PCNT: variants seen among roughly 807,000 people sequenced by gnomAD.
The protein encoded by PCNT is pericentrin, also known as kendrin.
In PCNT, 319 loss-of-function variants were observed where a neutral mutation model predicts 380.4. The ratio of observed to expected loss-of-function variants is 0.84; its 90% confidence interval spans 0.77 to 0.92. The LOEUF is 0.92. Ranked by LOEUF, PCNT falls within the 40% of genes least tolerant of loss-of-function variation. The probability of loss-of-function intolerance (pLI) is 0.00; values close to 1 mark genes in which losing one functional copy is unlikely to be tolerated. For missense variants in PCNT, 4,400 were observed against 4,255.3 expected (o/e 1.03, Z -0.95); for synonymous variants, 1,845 against 1,735.2 (o/e 1.06, Z -1.57).
rs774226236 is a variant in PCNT, at chr21:46,428,447, G to A, written c.7547G>A (p.Ser2516Asn). Residue 2516 changes from serine (S) to asparagine (N), a missense_variant, in exon 35 of 47, where the codon AGC (serine) becomes AAC (asparagine). By Grantham distance (46) the Ser-to-Asn change is conservative (BLOSUM62 1). Transcript: ENST00000359568. ...LEHLRLPDRS[S>N]LLSEIQALRA... ...CATCTTCGCTTGCCGGACCGGAGCA[G>A]CCTGCTGTCCGAGATCCAGGCGCTG... is the stretch of plus-strand genomic sequence containing the variant. 2.5e-6 allele frequency: 4 copies of A among 1,612,418 alleles called. No individual in the cohort carries two copies. In the East Asian group the frequency reaches 8.9e-5, roughly 36 times the overall value.
rs544994959 is a variant in PCNT, at chr21:46,343,920, T to C, written c.640-2208T>C. ...TTTGTGCACATAAAGGTGTTCATAG[T>C]GGCCTTGAGTGATCTTTGGTATTTC... On this transcript the variant is annotated intron_variant, in intron 3 of 46. Coordinates refer to ENST00000359568, the MANE Select transcript of PCNT (RefSeq NM_006031.6). Among the ~76,000 whole-genome samples the C allele has an allele frequency of 2.4e-4, 37 of 152,316 alleles. No homozygotes were observed. In the East Asian group the frequency reaches 6.8e-3, roughly 28 times the overall value.
At chr21:46,404,161 C>CGCGTGCTGG (rs1291630133) in intron 27 of PCNT, among the ~76,000 whole-genome samples, 3 of 151,238 alleles carry the variant, frequency 2.0e-5, no homozygotes. Context: ...GCCCACGTGG[C>CGCGTGCTGG]GCGTGCTCGG....
rs2147270757 is a variant in PCNT, at chr21:46,388,666, G to T, written c.3465-76G>T. 5 of 1,579,720 alleles carry T rather than the reference G, an allele frequency of 3.2e-6. No individual in the cohort carries two copies. The South Asian group carries it at 4.4e-5, about 14-fold the overall frequency. ...GCCGAGGTGTGCAAACTGGTGGGCG[G>T]CCCCTCAGCAGCATCCAGGGTGGGG... On this transcript the variant is annotated intron_variant, in intron 17 of 46. Transcript: ENST00000359568. This position sits in a 1 kb window ranked among gnomAD's most constrained non-coding sequence, Gnocchi z 4.2.
intron 27 of PCNT, 80 bp from the exon 28 acceptor site, chr21:46,411,109 C>T (rs906026775): frequency 2.5e-5 from 35 of 1,373,872 alleles, no homozygotes; most frequent in Admixed American, 3.4e-5. Flanking sequence ...AGAATGCATT[C>T]AGGATGTAAC....
intron 13 of PCNT, among the ~76,000 whole-genome samples, chr21:46,361,851 G>C (rs186503249): frequency 3.3e-5 from 5 of 152,294 alleles, no homozygotes; most frequent in Admixed American, 1.3e-4. Flanking sequence ...AGGATTTAAA[G>C]ATGTTTAAAA....
At chr21:46,421,180 A>G (rs2087233369) in intron 31 of PCNT, 1 of 152,376 alleles carries the variant, frequency 6.6e-6, no homozygotes, top group South Asian at 2.1e-4. Flanking sequence ...ACTCCTCCCC[A>G]GTGTGCCCTC....
intron 21 of PCNT, among the ~76,000 whole-genome samples, chr21:46,391,580 C>T (rs1468057215): frequency 6.6e-6 from 1 of 152,126 alleles, no homozygotes; most frequent in African/African-American, 2.4e-5. Context: ...TCAGAGAAGG[C>T]GGGTTGTCTG....
intron 21 of PCNT, among the ~76,000 whole-genome samples, chr21:46,396,218 G>A (rs1446476973): frequency 6.6e-6 from 1 of 152,252 alleles, no homozygotes; most frequent in Admixed American, 6.5e-5. Flanking sequence ...GGCTGGTTTT[G>A]CTGCTGGAAG....
At position 46,388,603 on chromosome 21, in the gene PCNT, A is replaced by T. The variant is rs1037156837; in HGVS notation, c.3465-139A>T. ...TTCCTGTGCTCACATGGGCATGAGG[A>T]TCATGTCTTCCGGCCCCGTGGGGAC... On this transcript the variant is annotated intron_variant, in intron 17 of 46. Coordinates refer to ENST00000359568, the MANE Select transcript of PCNT (RefSeq NM_006031.6). This position sits in a 1 kb window ranked among gnomAD's most constrained non-coding sequence, Gnocchi z 4.2. The T allele has an allele frequency of 1.9e-6, 2 of 1,064,174 alleles. No homozygotes were observed. Among genetic ancestry groups the T allele is most frequent in the African/African-American group, 1.5e-5 (1 of 64,882 alleles). The allele number at this position is 1,064,174 out of a possible 1,614,324, so 65.9% of individuals were successfully genotyped here. A position where few individuals can be genotyped will look rare whatever the true frequency, so the allele number is the denominator to read the frequency against.
intron 38 of PCNT, among the ~76,000 whole-genome samples, chr21:46,435,178 C>T (rs996824751): frequency 6.6e-6 from 1 of 152,080 alleles, no homozygotes; most frequent in Non-Finnish European, 1.5e-5. Context: ...CCCTGTAACG[C>T]GGCTGTGTGT....
intron 27 of PCNT, among the ~76,000 whole-genome samples, chr21:46,403,553 A>AG (rs2086512473): frequency 7.0e-5 from 7 of 100,494 alleles, no homozygotes. Context: ...GCGTGGGAGA[A>AG]TTGTGTGTGT....
At chr21:46,439,084 A>G (rs1448136569) in intron 41 of PCNT, among the ~76,000 whole-genome samples, 1 of 151,598 alleles carries the variant, frequency 6.6e-6, no homozygotes, top group Non-Finnish European at 1.5e-5. Context: ...TTTATTTTTT[A>G]TAACTTTTTA....
At chr21:46,396,340 C>G (rs1040846693) in intron 21 of PCNT, among the ~76,000 whole-genome samples, 13 of 152,306 alleles carry the variant, frequency 8.5e-5, no homozygotes, top group African/African-American at 3.1e-4. Flanking sequence ...TGGTGAGGTA[C>G]CCATCTCTGC....
chr21:46,444,208 T>A (rs935263614), intron 45 of PCNT, among the ~76,000 whole-genome samples: 1 of 152,168 alleles, frequency 6.6e-6, no homozygotes, highest in Non-Finnish European at 1.5e-5. Context: ...GGGCTCCTTT[T>A]GTGAGGGATG....
At chr21:46,365,914 G>C (rs1187993858) in intron 14 of PCNT, among the ~76,000 whole-genome samples, 1 of 146,406 alleles carries the variant, frequency 6.8e-6, no homozygotes, top group Non-Finnish European at 1.5e-5. Context: ...ACTGCCATGG[G>C]GTTCTATTCA....
At chr21:46,324,567 G>C (rs982907701) in intron 1 of PCNT, among the ~76,000 whole-genome samples, 1 of 119,652 alleles carries the variant, frequency 8.4e-6, no homozygotes, top group Non-Finnish European at 1.8e-5. Flanking sequence ...CTGCGTCGGG[G>C]GGGGTGGGGC....
At chr21:46,341,072 T>TG (rs11385421) in intron 3 of PCNT, among the ~76,000 whole-genome samples, 152,159 of 152,168 alleles carry the variant, frequency 1, 76,075 homozygotes, top group Middle Eastern at 1. Flanking sequence ...TTAGTAGAGA[T>TG]GGGTTTCCCC....
chr21:46,383,809 C>G, intron 16 of PCNT, among the ~76,000 whole-genome samples: 1 of 144,382 alleles, frequency 6.9e-6, no homozygotes, highest in Admixed American at 7.0e-5. Context: ...GAAGCGCATT[C>G]ACGGTGTTGT....
intron 2 of PCNT, among the ~76,000 whole-genome samples, chr21:46,333,232 G>A (rs1029656956): frequency 2.0e-5 from 3 of 151,812 alleles, no homozygotes; most frequent in African/African-American, 7.3e-5. Context: ...AAGAGATTGA[G>A]ACCATCCTGG....
Sources: gnomAD v4.1 joint callset for allele counts (sites outside exome capture counted in the v4.1 genomes callset) on GRCh38, gnomAD v4.1.1 for gene constraint, Gnocchi (gnomAD v3.1) non-coding constraint, MANE v1.5 for transcripts, NCBI Gene and HGNC (gene_info 2026-07-23, HGNC 2026-07-21) for gene names.